ROBO2: variants seen among roughly 807,000 people sequenced by gnomAD.
The protein encoded by ROBO2 is roundabout homolog 2.
Under a neutral mutation model 160.8 loss-of-function variants are expected in ROBO2, and 53 were observed. The ratio of observed to expected loss-of-function variants is 0.33; its 90% CI spans 0.26 to 0.41. ROBO2 has a LOEUF of 0.41. ROBO2 is among the 10% of genes least tolerant of loss of function. ROBO2 has a pLI of 1.00. For missense variants in ROBO2, 1,577 were observed against 1,722.4 expected (o/e 0.92, Z 1.49); for synonymous variants, 664 against 611.7 (o/e 1.09, Z -1.26).
chr3:77,180,495 G>A (rs1422235890), intron 2 of ROBO2, among the ~76,000 whole-genome samples: 2 of 144,186 alleles, frequency 1.4e-5, no homozygotes, highest in Admixed American at 7.0e-5. Context: ...GAGTGCAGTG[G>A]GATGATCTCG....
intron 2 of ROBO2, among the ~76,000 whole-genome samples, chr3:77,336,736 C>T (rs1222678101): frequency 6.6e-6 from 1 of 152,196 alleles, no homozygotes; most frequent in Admixed American, 6.5e-5. Flanking sequence ...CCTGCCTAAG[C>T]CTGGTGTACC....
intron 2 of ROBO2, among the ~76,000 whole-genome samples, chr3:77,395,496 G>C (rs2075184627): frequency 6.6e-6 from 1 of 152,090 alleles, no homozygotes; most frequent in South Asian, 2.1e-4. Context: ...AGCTTTGCTT[G>C]TATTTTATTG....
intron 2 of ROBO2, among the ~76,000 whole-genome samples, chr3:77,165,767 C>T (rs1444971995): frequency 1.3e-5 from 2 of 152,068 alleles, no homozygotes; most frequent in South Asian, 4.2e-4. Context: ...TGAAATAGAC[C>T]ATGAAAAGCA....
chr3:76,538,093 T>C (rs1410735813), intron 2 of ROBO2, among the ~76,000 whole-genome samples: 1 of 151,996 alleles, frequency 6.6e-6, no homozygotes, highest in Non-Finnish European at 1.5e-5. Context: ...TCTGGACATA[T>C]GTGTGCAGGT....
At chr3:77,088,514 G>A (rs372562350) in intron 1 of ROBO2, among the ~76,000 whole-genome samples, 10 of 152,042 alleles carry the variant, frequency 6.6e-5, no homozygotes, top group African/African-American at 2.2e-4. Flanking sequence ...TATTAACCCC[G>A]TAAGCATTAG....
chr3:77,246,597 C>T (rs1428151687), intron 2 of ROBO2, among the ~76,000 whole-genome samples: 1 of 152,098 alleles, frequency 6.6e-6, no homozygotes, highest in Non-Finnish European at 1.5e-5. Context: ...TAAACGTGCT[C>T]TACACTTCAG....
intron 1 of ROBO2, among the ~76,000 whole-genome samples, chr3:75,936,644 T>C (rs1421221543): frequency 6.6e-6 from 1 of 152,124 alleles, no homozygotes; most frequent in Non-Finnish European, 1.5e-5. Flanking sequence ...AATTTGCTAG[T>C]TTTGCTTCAC....
intron 2 of ROBO2, among the ~76,000 whole-genome samples, chr3:76,141,114 A>G (rs1432088743): frequency 2.2e-5 from 1 of 45,126 alleles, no homozygotes; most frequent in African/African-American, 8.1e-5. Context: ...ATGAGCTACC[A>G]TGCTCTCTCT....
chr3:76,785,024 G>T (rs542953015), intron 2 of ROBO2, among the ~76,000 whole-genome samples: 2 of 151,266 alleles, frequency 1.3e-5, no homozygotes, highest in African/African-American at 4.8e-5. Flanking sequence ...CCTCTTTAAA[G>T]TATTCTTATT....
chr3:77,584,693 A>T (rs988519073), intron 16 of ROBO2, among the ~76,000 whole-genome samples: 4 of 151,990 alleles, frequency 2.6e-5, no homozygotes, highest in Admixed American at 2.6e-4. Flanking sequence ...CTCTTTCTTA[A>T]TTAGTCATTC....
intron 16 of ROBO2, 123 bp from the exon 18 acceptor site, chr3:77,588,628 G>A: frequency 2.2e-6 from 2 of 905,246 alleles, no homozygotes; most frequent in East Asian, 2.7e-5. Context: ...CTTGTGATAG[G>A]CTCAAAACTA....
At chr3:77,327,080 A>T (rs770651237) in intron 2 of ROBO2, among the ~76,000 whole-genome samples, 1 of 152,218 alleles carries the variant, frequency 6.6e-6, no homozygotes, top group Non-Finnish European at 1.5e-5. Flanking sequence ...TAGGTAAGTC[A>T]TAGACAATTT....
intron 2 of ROBO2, among the ~76,000 whole-genome samples, chr3:76,064,468 G>C (rs2068180478): frequency 6.6e-6 from 1 of 152,066 alleles, no homozygotes; most frequent in African/African-American, 2.4e-5. Context: ...CTACTAGGTA[G>C]TTCCACTCTC....
intron 2 of ROBO2, among the ~76,000 whole-genome samples, chr3:76,620,840 A>G (rs972724891): frequency 2.0e-5 from 3 of 152,172 alleles, no homozygotes; most frequent in Non-Finnish European, 4.4e-5. Flanking sequence ...TCAAAATAAA[A>G]TACTCTCTAA....
intron 2 of ROBO2, among the ~76,000 whole-genome samples, chr3:76,962,547 A>G (rs1163286149): frequency 1.3e-5 from 2 of 151,294 alleles, no homozygotes; most frequent in African/African-American, 4.9e-5. Flanking sequence ...CTGAGGCAGG[A>G]GAATCACTTG....
At chr3:77,573,179 G>T (rs887205649) in intron 13 of ROBO2, among the ~76,000 whole-genome samples, 5 of 151,896 alleles carry the variant, frequency 3.3e-5, no homozygotes, top group African/African-American at 1.2e-4. Context: ...ATCATAGTTT[G>T]TGTTTAAATC....
chr3:76,367,579 A>T (rs969776090), intron 2 of ROBO2, among the ~76,000 whole-genome samples: 1 of 152,010 alleles, frequency 6.6e-6, no homozygotes, highest in Non-Finnish European at 1.5e-5. Context: ...GTCATAAAAC[A>T]ATTTGTTATT....
chr3:77,249,565 G>A (rs1485339576), intron 2 of ROBO2, among the ~76,000 whole-genome samples: 2 of 152,042 alleles, frequency 1.3e-5, no homozygotes, highest in East Asian at 3.9e-4. Context: ...AGTTTCAGCT[G>A]AATACTCCCA....
At chr3:77,549,740 T>C (rs75356082) in intron 7 of ROBO2, among the ~76,000 whole-genome samples, 3,405 of 152,094 alleles carry the variant, frequency 0.022, 124 homozygotes, top group African/African-American at 0.078. Context: ...TCCTCTTCCA[T>C]TGGTATTACT....
Sources: gnomAD v4.1 joint callset for allele counts (sites outside exome capture counted in the v4.1 genomes callset) on GRCh38, gnomAD v4.1.1 for gene constraint, MANE v1.5 for transcripts, NCBI Gene and HGNC (gene_info 2026-07-23, HGNC 2026-07-21) for gene names.